The following CDH13 variants were observed in gnomAD, a reference collection of about 807,000 sequenced individuals.
The protein encoded by CDH13 is cadherin 13.
In CDH13, 24 loss-of-function variants were observed where a neutral mutation model predicts 63.8. The observed-to-expected ratio is 0.38, with a 90% CI of 0.27 to 0.53. The LOEUF is 0.53. CDH13 is among the 20% of genes least tolerant of loss of function. The pLI is 0.85. For synonymous variants in CDH13, 503 were observed against 355.3 expected (o/e 1.42, Z -4.67); for missense variants, 1,049 against 903.1 (o/e 1.16, Z -2.07).
intron 4 of CDH13, among the ~76,000 whole-genome samples, chr16:83,187,448 AGGT>A (rs1597485647): frequency 6.6e-6 from 1 of 151,998 alleles, no homozygotes; most frequent in South Asian, 2.1e-4. Context: ...CTTGAGGCAA[AGGT>A]GACTATTCAG....
intron 6 of CDH13, among the ~76,000 whole-genome samples, chr16:83,484,609 G>A (rs916839880): frequency 1.3e-5 from 2 of 152,146 alleles, no homozygotes; most frequent in African/African-American, 2.4e-5. Context: ...TAAACAAAAT[G>A]TTATAGATGA....
intron 7 of CDH13, among the ~76,000 whole-genome samples, chr16:83,551,497 G>A (rs1036747441): frequency 1.3e-5 from 2 of 152,136 alleles, no homozygotes; most frequent in African/African-American, 4.8e-5. Context: ...CCCAGCCTTG[G>A]GTTAACTTCA....
At chr16:83,433,946 G>T (rs1245235279) in intron 6 of CDH13, among the ~76,000 whole-genome samples, 2 of 152,030 alleles carry the variant, frequency 1.3e-5, no homozygotes, top group Non-Finnish European at 2.9e-5. Context: ...TTGCGTTGGG[G>T]GGGAATCAAT....
chr16:83,107,151 AT>A (rs1319617637), intron 3 of CDH13, among the ~76,000 whole-genome samples: 3 of 151,992 alleles, frequency 2.0e-5, no homozygotes, highest in African/African-American at 7.2e-5. Context: ...ACATTAGGTT[AT>A]TTTTTTCTTC....
At chr16:82,799,018 C>A (rs1302087728) in intron 1 of CDH13, among the ~76,000 whole-genome samples, 1 of 152,096 alleles carries the variant, frequency 6.6e-6, no homozygotes, top group Non-Finnish European at 1.5e-5. Flanking sequence ...TCACCAGAGT[C>A]CTTGTTTAAT....
At chr16:83,366,099 A>C (rs975414376) in intron 6 of CDH13, among the ~76,000 whole-genome samples, 2 of 152,236 alleles carry the variant, frequency 1.3e-5, no homozygotes, top group African/African-American at 4.8e-5. Flanking sequence ...TGGTTACATT[A>C]TCTTACATAC....
chr16:82,788,833 G>T (rs2036151964), intron 1 of CDH13, among the ~76,000 whole-genome samples: 1 of 152,132 alleles, frequency 6.6e-6, no homozygotes, highest in Admixed American at 6.5e-5. Context: ...AGCAGGAATG[G>T]GTAGCATAAT....
At chr16:82,673,285 T>C (rs897820850) in intron 1 of CDH13, among the ~76,000 whole-genome samples, 1 of 152,202 alleles carries the variant, frequency 6.6e-6, no homozygotes, top group Admixed American at 6.5e-5. Context: ...CTGTCATTCA[T>C]TCAACCATTC....
chr16:83,263,999 T>C (rs907781596), intron 5 of CDH13, among the ~76,000 whole-genome samples: 2 of 152,248 alleles, frequency 1.3e-5, no homozygotes, highest in African/African-American at 4.8e-5. Flanking sequence ...CCTAGATAGA[T>C]TCCAAGATAG....
At chr16:82,713,174 G>A (rs950087250) in intron 1 of CDH13, among the ~76,000 whole-genome samples, 7 of 152,160 alleles carry the variant, frequency 4.6e-5, no homozygotes, top group Middle Eastern at 3.4e-3. Context: ...GGTACCACCC[G>A]CATAAGAATC....
chr16:82,793,936 G>A (rs559602223), intron 1 of CDH13, among the ~76,000 whole-genome samples: 1 of 152,106 alleles, frequency 6.6e-6, no homozygotes, highest in Non-Finnish European at 1.5e-5. Context: ...CAGTGGATCA[G>A]GAAAGGCCAG....
Position 82,950,997 on chromosome 16 carries a change from C to T in CDH13, c.158-81013C>T, listed in dbSNP as rs1905236783. Among the ~76,000 whole-genome samples the T allele has an allele frequency of 2.0e-5, 3 of 152,094 alleles. 1 individual carries two copies. Among genetic ancestry groups the T allele is most frequent in the Admixed American group, 1.3e-4 (2 of 15,262 alleles). On this transcript the variant is annotated intron_variant, in intron 2 of 13. Coordinates refer to ENST00000567109, the MANE Select transcript of CDH13 (RefSeq NM_001257.5). ...GCTTCAGCTTAGATGTTGCGCATCA[C>T]CATATTTCTGTGTCCTGAATTTCAC...
At chr16:82,989,691 G>C (rs1205457676) in intron 2 of CDH13, among the ~76,000 whole-genome samples, 1 of 152,286 alleles carries the variant, frequency 6.6e-6, no homozygotes, top group East Asian at 1.9e-4. Context: ...AAGGTGCAGG[G>C]TATTGCCTGC....
intron 6 of CDH13, among the ~76,000 whole-genome samples, chr16:83,392,800 T>G (rs2091813618): frequency 6.6e-6 from 1 of 152,054 alleles, no homozygotes; most frequent in Non-Finnish European, 1.5e-5. Flanking sequence ...ATCTTTAAAT[T>G]ATGTAGGAAA....
intron 6 of CDH13, among the ~76,000 whole-genome samples, chr16:83,346,428 T>C (rs1253780202): frequency 6.6e-6 from 1 of 152,164 alleles, no homozygotes; most frequent in Non-Finnish European, 1.5e-5. Flanking sequence ...AGGAAAGCGA[T>C]TAAAGAGGCC....
chr16:83,379,934 T>TAGAG (rs367543331), intron 6 of CDH13, among the ~76,000 whole-genome samples: 3,354 of 86,540 alleles, frequency 0.039, 57 homozygotes, highest in Non-Finnish European at 0.06. Context: ...TATATATATA[T>TAGAG]ATATAGAGAG....
At chr16:82,920,017 C>T (rs977606513) in intron 2 of CDH13, among the ~76,000 whole-genome samples, 7 of 152,160 alleles carry the variant, frequency 4.6e-5, no homozygotes, top group East Asian at 1.9e-4. Flanking sequence ...GGTGGGGTCA[C>T]GATCTTTGTG....
At chr16:83,277,350 A>T (rs775818121) in intron 5 of CDH13, among the ~76,000 whole-genome samples, 2 of 152,208 alleles carry the variant, frequency 1.3e-5, no homozygotes, top group Non-Finnish European at 2.9e-5. Context: ...TGGGGAGTTT[A>T]TTAAAAACTC....
chr16:83,233,519 G>A (rs1428722254), intron 5 of CDH13, among the ~76,000 whole-genome samples: 1 of 152,152 alleles, frequency 6.6e-6, no homozygotes, highest in Non-Finnish European at 1.5e-5. Context: ...GGTTCTCACT[G>A]GGCTAAAACC....
Sources: gnomAD v4.1 joint callset for allele counts (sites outside exome capture counted in the v4.1 genomes callset) on GRCh38, gnomAD v4.1.1 for gene constraint, MANE v1.5 for transcripts, NCBI Gene and HGNC (gene_info 2026-07-23, HGNC 2026-07-21) for gene names.